GC: variants seen among roughly 807,000 people sequenced by gnomAD.
GC encodes vitamin D-binding protein.
GC carries 43 observed loss-of-function variants against 56.7 expected under a neutral mutation model. The ratio of observed to expected loss-of-function variants is 0.76; its 90% CI spans 0.59 to 0.98. The LOEUF is 0.98. Among genes scored for constraint, GC ranks in the 50% least tolerant of loss-of-function variants. GC has a pLI of 0.00. For synonymous variants in GC, 216 were observed against 202.7 expected (o/e 1.07, Z -0.56); for missense variants, 529 against 545.9 (o/e 0.97, Z 0.31).
intron 1 of GC, among the ~76,000 whole-genome samples, chr4:71,780,952 A>C (rs1208178780): frequency 1.3e-5 from 2 of 152,182 alleles, no homozygotes; most frequent in Admixed American, 6.6e-5. Context: ...TTATTGTGGC[A>C]CTATTCACAA....
intron 9 of GC, among the ~76,000 whole-genome samples, chr4:71,754,760 G>A (rs1560692724): frequency 6.6e-6 from 1 of 152,198 alleles, no homozygotes; most frequent in East Asian, 1.9e-4. Context: ...GTTAATGTAT[G>A]TATGAACACT....
chr4:71,754,370 AT>A (rs1741648745), intron 10 of GC, 40 bp downstream of exon 10: 4 of 895,448 alleles, frequency 4.5e-6, no homozygotes, highest in African/African-American at 3.4e-5. Context: ...TGAAAATATT[AT>A]TGATAAATTT....
chr4:71,803,815 A>T (rs545481804), intron 1 of GC: 1 of 704,468 alleles, frequency 1.4e-6, no homozygotes, highest in East Asian at 2.7e-5. Flanking sequence ...TGCTTTGCAC[A>T]GAAATCCTCT....
chr4:71,803,935 A>G, exon 1 of GC: 3 of 1,507,532 alleles, frequency 2.0e-6, no homozygotes, highest in Non-Finnish European at 1.8e-6. Context: ...CCTCACTCCA[A>G]GACCACAGCA....
intron 1 of GC, among the ~76,000 whole-genome samples, chr4:71,796,327 A>AT (rs1743104557): frequency 6.6e-6 from 1 of 152,168 alleles, no homozygotes; most frequent in South Asian, 2.1e-4. Flanking sequence ...GTCTTTTCAC[A>AT]TAGCCCCATA....
At chr4:71,799,642 A>G (rs1267659734) in intron 1 of GC, among the ~76,000 whole-genome samples, 2 of 152,158 alleles carry the variant, frequency 1.3e-5, no homozygotes, top group African/African-American at 4.8e-5. Flanking sequence ...GAGAAGCATG[A>G]CATTGTGCCT....
At chr4:71,781,517 T>C (rs1248615664) in intron 1 of GC, among the ~76,000 whole-genome samples, 1 of 151,836 alleles carries the variant, frequency 6.6e-6, no homozygotes, top group Non-Finnish European at 1.5e-5. Flanking sequence ...TTTTAAAAAA[T>C]CAATTTTTAT....
intron 1 of GC, among the ~76,000 whole-genome samples, chr4:71,791,045 C>T (rs1742957834): frequency 2.0e-5 from 3 of 152,034 alleles, no homozygotes; most frequent in African/African-American, 4.8e-5. Flanking sequence ...AAAAAATGCT[C>T]ACCATCACTG....
chr4:71,753,832 G>A (rs377539243), intron 10 of GC, among the ~76,000 whole-genome samples: 2 of 152,300 alleles, frequency 1.3e-5, no homozygotes, highest in African/African-American at 4.8e-5. Context: ...ATTTTTAGCA[G>A]TTTTATAGGT....
At chr4:71,784,329 C>A (rs868102626), upstream of GC, 1 of 1,059,098 alleles carries the variant, frequency 9.4e-7, no homozygotes, top group East Asian at 6.9e-5. Flanking sequence ...AGATTATTTT[C>A]CACTGCTGTT....
At chr4:71,764,936 T>C (rs138469108) in intron 4 of GC, among the ~76,000 whole-genome samples, 145 of 152,336 alleles carry the variant, frequency 9.5e-4, no homozygotes, top group African/African-American at 3.0e-3. Context: ...ATAAAAATTT[T>C]AAGGTTACGT....
chr4:71,784,836 G>A (rs1405013875), upstream of GC, among the ~76,000 whole-genome samples: 1 of 151,654 alleles, frequency 6.6e-6, no homozygotes, highest in Non-Finnish European at 1.5e-5. Flanking sequence ...TATTTTATGG[G>A]CATGTAATTT....
At chr4:71,773,835 C>A (rs1485682252) in intron 1 of GC, among the ~76,000 whole-genome samples, 1 of 151,974 alleles carries the variant, frequency 6.6e-6, no homozygotes, top group Non-Finnish European at 1.5e-5. Flanking sequence ...AATTTCATTT[C>A]TTTGGCATTT....
chr4:71,789,369 A>G (rs757840896), intron 1 of GC, among the ~76,000 whole-genome samples: 5 of 151,940 alleles, frequency 3.3e-5, no homozygotes, highest in Non-Finnish European at 7.4e-5. Context: ...ATCTTTGTTA[A>G]GAGCTTCTAA....
At chr4:71,798,865 A>G (rs147547139) in intron 1 of GC, among the ~76,000 whole-genome samples, 81 of 152,298 alleles carry the variant, frequency 5.3e-4, no homozygotes, top group African/African-American at 1.8e-3. Context: ...TCAATACCTT[A>G]TTAGCCACTT....
At chr4:71,747,194 T>C (rs12644050) in intron 11 of GC, among the ~76,000 whole-genome samples, 10,985 of 152,244 alleles carry the variant, frequency 0.072, 427 homozygotes, top group East Asian at 0.17. Context: ...ATTTTGTCCA[T>C]GTTGATTTTC....
chr4:71,768,871 A>C (rs1470389223), intron 2 of GC, among the ~76,000 whole-genome samples: 1 of 152,220 alleles, frequency 6.6e-6, no homozygotes, highest in Non-Finnish European at 1.5e-5. Flanking sequence ...TAATGAAAAA[A>C]ATGAGGTTTA....
At chr4:71,796,466 C>T (rs1743109169) in intron 1 of GC, among the ~76,000 whole-genome samples, 1 of 152,202 alleles carries the variant, frequency 6.6e-6, no homozygotes, top group African/African-American at 2.4e-5. Context: ...GCCACTGAAG[C>T]TTGTAGATGC....
chr4:71,778,590 C>A (rs146784237), intron 1 of GC, among the ~76,000 whole-genome samples: 49 of 151,946 alleles, frequency 3.2e-4, no homozygotes, highest in African/African-American at 1.1e-3. Flanking sequence ...AGCTAGAAAT[C>A]TAGATTTTTT....
Sources: allele counts gnomAD v4.1 joint callset (sites outside exome capture counted in the v4.1 genomes callset), GRCh38; gene constraint gnomAD v4.1.1; transcripts MANE v1.5; gene names NCBI Gene and HGNC (gene_info 2026-07-23, HGNC 2026-07-21).